The following SPMIP2 variants were observed in gnomAD, a reference collection of about 807,000 sequenced individuals.
The protein encoded by SPMIP2 is protein SPMIP2.
the SPMIP2 span, among the ~76,000 whole-genome samples, chr4:158,941,226 T>C: frequency 1.3e-5 from 2 of 152,326 alleles, no homozygotes; most frequent in East Asian, 3.9e-4. Flanking sequence ...CTGTGTTTTC[T>C]CTCTCCCACT....
chr4:159,070,899 C>A, the SPMIP2 span, among the ~76,000 whole-genome samples: 2 of 152,162 alleles, frequency 1.3e-5, no homozygotes. Context: ...AACTCATCCT[C>A]TAAGGACGCT....
the SPMIP2 span, among the ~76,000 whole-genome samples, chr4:158,996,718 A>T: frequency 4.1e-3 from 623 of 152,272 alleles, 2 homozygotes; most frequent in African/African-American, 0.014. Context: ...TGAGGTCCCA[A>T]GGAGGCTGTC....
At chr4:159,044,659 C>A in the SPMIP2 span, among the ~76,000 whole-genome samples, 1 of 152,052 alleles carries the variant, frequency 6.6e-6, no homozygotes, top group Non-Finnish European at 1.5e-5. Flanking sequence ...AAGGGGAGTT[C>A]GTGAGGGTTT....
At chr4:159,065,784 C>A in the SPMIP2 span, among the ~76,000 whole-genome samples, 5 of 152,208 alleles carry the variant, frequency 3.3e-5, no homozygotes, top group Admixed American at 6.5e-5. Context: ...GAGTGGGTAA[C>A]AATCTTAAGA....
chr4:159,072,698 T>C, the SPMIP2 span, among the ~76,000 whole-genome samples: 4 of 152,084 alleles, frequency 2.6e-5, no homozygotes, highest in African/African-American at 9.6e-5. Context: ...CCTGGGCTCA[T>C]GTGATCTACC....
At chr4:159,005,318 T>C in the SPMIP2 span, among the ~76,000 whole-genome samples, 390 of 150,264 alleles carry the variant, frequency 2.6e-3, no homozygotes, top group African/African-American at 9.2e-3. Flanking sequence ...GTGGTGAGTG[T>C]CTGTAATCCC....
chr4:158,935,092 C>T, the SPMIP2 span, among the ~76,000 whole-genome samples: 1 of 152,094 alleles, frequency 6.6e-6, no homozygotes, highest in Non-Finnish European at 1.5e-5. Context: ...AATCTTTTTC[C>T]CTATACTGCA....
the SPMIP2 span, among the ~76,000 whole-genome samples, chr4:159,050,009 C>T: frequency 2.2e-4 from 34 of 152,264 alleles, no homozygotes; most frequent in East Asian, 3.3e-3. Flanking sequence ...GTAACTTAGA[C>T]GTTACTTTTA....
chr4:159,062,195 A>G, the SPMIP2 span, among the ~76,000 whole-genome samples: 1 of 152,176 alleles, frequency 6.6e-6, no homozygotes, highest in African/African-American at 2.4e-5. Flanking sequence ...TAAAAAGCAG[A>G]GACTATTTTC....
At chr4:159,069,812 T>C in the SPMIP2 span, among the ~76,000 whole-genome samples, 6 of 152,084 alleles carry the variant, frequency 3.9e-5, no homozygotes, top group Non-Finnish European at 8.8e-5. Flanking sequence ...TAATACAAAG[T>C]GGAGCATTCT....
chr4:159,035,680 A>G, the SPMIP2 span, among the ~76,000 whole-genome samples: 2 of 152,256 alleles, frequency 1.3e-5, no homozygotes, highest in Admixed American at 1.3e-4. Context: ...GGTCATGTCA[A>G]TTTACCTGTG....
chr4:158,929,306 A>G, the SPMIP2 span, among the ~76,000 whole-genome samples: 1 of 152,274 alleles, frequency 6.6e-6, no homozygotes, highest in Non-Finnish European at 1.5e-5. Context: ...GCATAAGCCA[A>G]CATACCCAGC....
At chr4:158,956,307 T>C in the SPMIP2 span, among the ~76,000 whole-genome samples, 2 of 152,264 alleles carry the variant, frequency 1.3e-5, no homozygotes, top group Admixed American at 1.3e-4. Context: ...GGCTCACGCC[T>C]GTAATCCCAG....
chr4:159,004,971 A>G, the SPMIP2 span, among the ~76,000 whole-genome samples: 1 of 151,870 alleles, frequency 6.6e-6, no homozygotes, highest in African/African-American at 2.4e-5. Context: ...GGTGGCTCAC[A>G]CCTGTAATCC....
At chr4:158,909,858 C>T in the SPMIP2 span, among the ~76,000 whole-genome samples, 17 of 152,102 alleles carry the variant, frequency 1.1e-4, no homozygotes, top group Non-Finnish European at 1.6e-4. Flanking sequence ...CTGGCTAACA[C>T]GGTGAAACCC....
the SPMIP2 span, among the ~76,000 whole-genome samples, chr4:158,965,293 G>A: frequency 6.6e-6 from 1 of 151,238 alleles, no homozygotes; most frequent in Admixed American, 6.6e-5. Flanking sequence ...ATTTTCTTGG[G>A]AATTGTTATG....
the SPMIP2 span, chr4:158,906,861 C>T: frequency 2.0e-5 from 3 of 152,180 alleles, no homozygotes; most frequent in East Asian, 5.8e-4. Flanking sequence ...ACGCCGTACA[C>T]CACCCAGTGG....
At chr4:159,045,908 G>A in the SPMIP2 span, among the ~76,000 whole-genome samples, 1 of 152,132 alleles carries the variant, frequency 6.6e-6, no homozygotes. Flanking sequence ...TGGTTCCTTG[G>A]AGGGGTATTG....
chr4:158,895,655 G>A, the SPMIP2 span: 1 of 751,118 alleles, frequency 1.3e-6, no homozygotes, highest in Non-Finnish European at 2.3e-6. Context: ...GATAAAAGCT[G>A]TGTAGTTAGA....
Sources: allele counts gnomAD v4.1 joint callset (sites outside exome capture counted in the v4.1 genomes callset), GRCh38; gene constraint gnomAD v4.1.1; transcripts MANE v1.5; gene names NCBI Gene and HGNC (gene_info 2026-07-23, HGNC 2026-07-21).